PTPA: variants seen among roughly 807,000 people sequenced by gnomAD.
PTPA encodes the protein protein phosphatase 2 phosphatase activator.
Under a neutral mutation model 43.6 loss-of-function variants are expected in PTPA, and 13 were observed. That is an observed-to-expected ratio of 0.30 (90% confidence interval 0.19 to 0.47). PTPA has a LOEUF of 0.47. PTPA is among the 20% of genes least tolerant of loss of function. PTPA has a pLI of 0.99. For missense variants in PTPA, 329 were observed against 411.9 expected (o/e 0.80, Z 1.74); for synonymous variants, 172 against 158.2 (o/e 1.09, Z -0.66).
intron 3 of PTPA, among the ~76,000 whole-genome samples, chr9:129,125,418 A>G (rs1849512600): frequency 1.3e-5 from 2 of 151,888 alleles, no homozygotes; most frequent in Non-Finnish European, 2.9e-5. Flanking sequence ...CACCCGGCTA[A>G]TTTTTGTATT....
At chr9:129,139,860 G>C (rs1005960598) in intron 8 of PTPA, 1 of 151,984 alleles carries the variant, frequency 6.6e-6, no homozygotes, top group African/African-American at 2.4e-5. Context: ...GATACCCGTG[G>C]GCATCCTAGG....
intron 5 of PTPA, among the ~76,000 whole-genome samples, chr9:129,133,233 T>C (rs1040181110): frequency 6.6e-6 from 1 of 152,180 alleles, no homozygotes; most frequent in Non-Finnish European, 1.5e-5. Flanking sequence ...GTCTGGGGAA[T>C]GTGATCCACA....
At chr9:129,132,699 T>G (rs1294366142) in intron 5 of PTPA, among the ~76,000 whole-genome samples, 1 of 152,196 alleles carries the variant, frequency 6.6e-6, no homozygotes, top group East Asian at 1.9e-4. Flanking sequence ...GCCAGGCTGG[T>G]CTCGAACTCC....
At chr9:129,127,102 C>T (rs1183916573) in intron 3 of PTPA, among the ~76,000 whole-genome samples, 1 of 152,198 alleles carries the variant, frequency 6.6e-6, no homozygotes, top group African/African-American at 2.4e-5. Flanking sequence ...TCTCACATTT[C>T]AGCAAGGCAG....
chr9:129,137,924 T>C (rs1850488858), intron 8 of PTPA: 2 of 538,302 alleles, frequency 3.7e-6, no homozygotes, highest in African/African-American at 3.9e-5. Context: ...ACCACAGGAG[T>C]CTTGAGATGA....
intron 5 of PTPA, among the ~76,000 whole-genome samples, chr9:129,134,279 TTATAG>T (rs953139456): frequency 2.0e-4 from 30 of 148,842 alleles, no homozygotes; most frequent in African/African-American, 6.9e-4. Context: ...ACGAGTGGAA[TTATAG>T]TACTGGTAGT....
At chr9:129,128,143 C>G in intron 3 of PTPA, 1 of 995,950 alleles carries the variant, frequency 1.0e-6, no homozygotes, top group Non-Finnish European at 1.4e-6. Flanking sequence ...CAAGGTCTCA[C>G]AGCAGCTAAA....
At chr9:129,138,018 G>C in intron 8 of PTPA, 1 of 373,628 alleles carries the variant, frequency 2.7e-6, no homozygotes, top group South Asian at 2.3e-5. Flanking sequence ...GTTTGTGGGG[G>C]AGGGTCAGCA....
chr9:129,114,138 C>T (rs1449642281), intron 1 of PTPA, among the ~76,000 whole-genome samples: 7 of 152,100 alleles, frequency 4.6e-5, no homozygotes, highest in Admixed American at 2.0e-4. Flanking sequence ...ATGCGATTCT[C>T]GTGCCTCAGC....
intron 8 of PTPA, chr9:129,139,254 A>G (rs1850593745): frequency 6.6e-6 from 1 of 152,192 alleles, no homozygotes; most frequent in Non-Finnish European, 1.5e-5. Flanking sequence ...TGGTATAAAC[A>G]CCCCAAAAGC....
chr9:129,123,005 G>T (rs201500439), intron 2 of PTPA, 47 bp from the exon 3 acceptor site: 1 of 1,457,514 alleles, frequency 6.9e-7, no homozygotes, highest in African/African-American at 1.4e-5. Context: ...GGGGCGGGGG[G>T]GTCTGCCACC....
At chr9:129,117,631 C>G (rs1421971639) in intron 1 of PTPA, among the ~76,000 whole-genome samples, 2 of 151,436 alleles carry the variant, frequency 1.3e-5, no homozygotes, top group African/African-American at 4.9e-5. Context: ...TCTTGAACTC[C>G]TGGCCTCAAG....
intron 8 of PTPA, among the ~76,000 whole-genome samples, chr9:129,141,320 C>G (rs558897686): frequency 5.3e-5 from 8 of 152,174 alleles, no homozygotes; most frequent in Admixed American, 1.3e-4. Flanking sequence ...TCTGGCTTAT[C>G]TTTTCTCCTT....
At position 129,147,457 on chromosome 9, in the gene PTPA, C is replaced by T. The variant is rs2480452; in HGVS notation, c.965C>T (p.Ser322Leu). 124,695 of 1,613,576 alleles carry T rather than the reference C, an allele frequency of 0.077. 5,500 individuals are homozygous for T. Among genetic ancestry groups the T allele is most frequent in the East Asian group, 0.19 (8,567 of 44,852 alleles). The change falls in exon 10 of 10, where the codon TCG becomes TTG. Residue 322 changes from serine to leucine, a missense_variant. Ser to Leu is a moderately radical substitution (Grantham distance 145). Transcript: ENST00000393370. ...CTGCTGCCCATCCATCCTGTCACGT[C>T]GGGCTAGGAGGGGCCAAGCCGAAGA... ...GSLLPIHPVT[S>L]G is the part of the protein sequence containing the mutation.
At chr9:129,140,655 C>T (rs559259319) in intron 8 of PTPA, among the ~76,000 whole-genome samples, 6 of 152,352 alleles carry the variant, frequency 3.9e-5, no homozygotes, top group African/African-American at 4.8e-5. Flanking sequence ...CCGACAAAGC[C>T]GACAGGGTGC....
intron 2 of PTPA, among the ~76,000 whole-genome samples, chr9:129,121,618 C>A (rs1463084375): frequency 1.3e-5 from 2 of 152,232 alleles, no homozygotes; most frequent in African/African-American, 4.8e-5. Flanking sequence ...AGGAGGCCGT[C>A]CTGTGCCATG....
chr9:129,144,077 C>T (rs1252254527), intron 9 of PTPA, among the ~76,000 whole-genome samples: 1 of 151,796 alleles, frequency 6.6e-6, no homozygotes, highest in East Asian at 2.0e-4. Flanking sequence ...CTCTAAACTT[C>T]TCTCGACTCA....
At position 129,131,746 on chromosome 9, in the gene PTPA, C is replaced by T. The variant is rs530369534; in HGVS notation, c.460+107C>T. The T allele has an allele frequency of 2.4e-4, 269 of 1,116,486 alleles. 1 individual carries two copies. In the South Asian group the frequency reaches 3.0e-3, roughly 13 times the overall value. 69.2% of individuals were successfully genotyped at this position (1,116,486 alleles called of 1,614,324 possible). On this transcript the variant is annotated intron_variant, in intron 5 of 9. Coordinates refer to ENST00000393370, the MANE Select transcript of PTPA (RefSeq NM_178000.3). ...GAGCAAGTGAGAGCAATCAAGAATTCGCCAAGCACCTGCAACCTATTGGGG... is the reference window on the plus strand; with the variant it reads ...GAGCAAGTGAGAGCAATCAAGAATTTGCCAAGCACCTGCAACCTATTGGGG...
chr9:129,145,854 G>T (rs1447384438), intron 9 of PTPA, among the ~76,000 whole-genome samples: 2 of 152,184 alleles, frequency 1.3e-5, no homozygotes, highest in East Asian at 1.9e-4. Context: ...TCAGGGGGCA[G>T]TCTGAAGCCG....
Sources: allele counts gnomAD v4.1 joint callset (sites outside exome capture counted in the v4.1 genomes callset), GRCh38; gene constraint gnomAD v4.1.1; transcripts MANE v1.5; gene names NCBI Gene and HGNC (gene_info 2026-07-23, HGNC 2026-07-21).